The following TANC1 variants were observed in gnomAD, a reference collection of about 807,000 sequenced individuals.
The protein encoded by TANC1 is tetratricopeptide repeat, ankyrin repeat and coiled-coil containing 1, also known as protein TANC1.
Under a neutral mutation model 149.7 loss-of-function variants are expected in TANC1, and 77 were observed. The ratio of observed to expected loss-of-function variants is 0.51; its 90% CI spans 0.43 to 0.62. The LOEUF (loss-of-function observed/expected upper bound fraction) is 0.62, where lower values mean the gene tolerates loss of function less well. Ranked by LOEUF, TANC1 falls within the 20% of genes least tolerant of loss-of-function variation. The pLI, the probability that TANC1 is intolerant of heterozygous loss-of-function variation, is 0.00. For missense variants in TANC1, 1,985 were observed against 2,321.8 expected (o/e 0.85, Z 2.98); for synonymous variants, 854 against 925.0 (o/e 0.92, Z 1.39).
At chr2:159,149,042 A>G (rs1214970327) in intron 5 of TANC1, 100 bp from the exon 6 acceptor site, 1 of 1,388,646 alleles carries the variant, frequency 7.2e-7, no homozygotes, top group East Asian at 2.3e-5. Context: ...ATAGAAACAC[A>G]CAAAATCACC....
intron 4 of TANC1, among the ~76,000 whole-genome samples, chr2:159,124,224 G>A (rs901950836): frequency 6.6e-6 from 1 of 152,124 alleles, no homozygotes; most frequent in Admixed American, 6.5e-5. Flanking sequence ...CGGGTGTGGT[G>A]GTGCCTGTCT....
chr2:159,004,255 A>G, intron 2 of TANC1: 1 of 1,612,102 alleles, frequency 6.2e-7, no homozygotes, highest in Non-Finnish European at 8.5e-7. Flanking sequence ...GACATTGATG[A>G]GGAAGATGAT....
chr2:158,985,811 T>C (rs181722625), intron 1 of TANC1, among the ~76,000 whole-genome samples: 1 of 152,224 alleles, frequency 6.6e-6, no homozygotes, highest in East Asian at 1.9e-4. Flanking sequence ...GCCCAGCTAA[T>C]TTTTGTATTT....
intron 14 of TANC1, among the ~76,000 whole-genome samples, chr2:159,181,558 G>C (rs1413821635): frequency 1.3e-5 from 2 of 152,154 alleles, no homozygotes; most frequent in Non-Finnish European, 2.9e-5. Flanking sequence ...CGGCCTCCCA[G>C]AGTGCTGGGA....
chr2:159,230,111 C>T lies in TANC1; in HGVS notation c.4685C>T (p.Pro1562Leu), dbSNP rs1559503931. ...MKVQISSQNP[P>L]PSPMPGRIAA... ...GTTCAGATCTCTTCTCAGAACCCTC[C>T]TCCAAGTCCCATGCCAGGGAGAATC... Residue 1562 changes from proline (P) to leucine (L), a missense_variant, in exon 27 of 27, where the codon CCT becomes CTT. Transcript: ENST00000263635. This position sits in a 1 kb window ranked among gnomAD's most constrained non-coding sequence, Gnocchi z 4.4. 1.2e-6 allele frequency: 2 copies of T among 1,614,006 alleles called. No homozygotes were observed. Among genetic ancestry groups the T allele is most frequent in the Admixed American group, 1.7e-5 (1 of 60,024 alleles).
Position 159,231,956 on chromosome 2 carries a change from T to C in TANC1, c.*944T>C, listed in dbSNP as rs953116417. ...GTACTTTATAGTCACATGTTGTATA[T>C]ATTAAATAGCCCAGTTTTATTCAGA... is the stretch of plus-strand genomic sequence containing the variant. On this transcript the variant is annotated 3_prime_UTR_variant, in exon 27 of 27. Transcript: ENST00000263635. 3.3e-5 allele frequency: 5 copies of C among 152,586 alleles called. No homozygotes were observed. Among genetic ancestry groups the C allele is most frequent in the East Asian group, 1.9e-4 (1 of 5,198 alleles). 9.5% of individuals were successfully genotyped at this position (152,586 alleles called of 1,614,324 possible). A position where few individuals can be genotyped will look rare whatever the true frequency, so the allele number is the denominator to read the frequency against.
chr2:159,228,701 CAG>C, intron 25 of TANC1, 93 bp from the exon 26 acceptor site: 1 of 821,622 alleles, frequency 1.2e-6, no homozygotes. Flanking sequence ...GGCTGTGCCT[CAG>C]AGCGCTGCTA....
chr2:159,022,006 G>A (rs954017808), intron 2 of TANC1, among the ~76,000 whole-genome samples: 1 of 152,176 alleles, frequency 6.6e-6, no homozygotes, highest in Non-Finnish European at 1.5e-5. Flanking sequence ...TTAATGGAGA[G>A]ATCAATGTCT....
chr2:158,987,314 T>C (rs549017367), intron 1 of TANC1, among the ~76,000 whole-genome samples: 1 of 151,450 alleles, frequency 6.6e-6, no homozygotes, highest in East Asian at 1.9e-4. Flanking sequence ...TCACTTGAGC[T>C]TAGGAGTTCA....
At chr2:158,999,554 T>G (rs1312556535) in intron 1 of TANC1, among the ~76,000 whole-genome samples, 1 of 152,208 alleles carries the variant, frequency 6.6e-6, no homozygotes, top group Non-Finnish European at 1.5e-5. Context: ...AGCTGGATAT[T>G]TTTCATAAAC....
chr2:159,091,211 A>C (rs979790596), intron 3 of TANC1, among the ~76,000 whole-genome samples: 1 of 152,180 alleles, frequency 6.6e-6, no homozygotes, highest in African/African-American at 2.4e-5. Flanking sequence ...GCCTGGGTTC[A>C]GACTCAGCTC....
chr2:159,072,975 CT>C (rs1484491679), intron 3 of TANC1, among the ~76,000 whole-genome samples: 2 of 152,200 alleles, frequency 1.3e-5, no homozygotes, highest in Non-Finnish European at 2.9e-5. Context: ...TTTGTCTGCC[CT>C]GTGGTGGTTT....
At position 158,987,831 on chromosome 2, in the gene TANC1, CT is replaced by C. The variant is rs796838311; in HGVS notation, c.-125-13248del. Among the ~76,000 whole-genome samples the C allele has an allele frequency of 1.2e-3, 180 of 152,298 alleles. 1 individual carries two copies. Among genetic ancestry groups the C allele is most frequent in the African/African-American group, 4.2e-3 (175 of 41,558 alleles). ...TAAAGTCAGAACACCTGGACTTGAG[CT>C]AGTACCACTCTGAATCTTGGGCGGG... On this transcript the variant is annotated intron_variant, in intron 1 of 26. Transcript: ENST00000263635.
chr2:159,141,972 A>C (rs962855500), intron 5 of TANC1, among the ~76,000 whole-genome samples: 3 of 152,238 alleles, frequency 2.0e-5, no homozygotes, highest in African/African-American at 7.2e-5. Flanking sequence ...GGTGTACTAC[A>C]AAAAAGGAAA....
intron 1 of TANC1, among the ~76,000 whole-genome samples, chr2:158,981,051 A>C (rs2034251168): frequency 6.6e-6 from 1 of 152,134 alleles, no homozygotes; most frequent in African/African-American, 2.4e-5. Context: ...CTAGGTCTAA[A>C]AGCAAGATTA....
At position 159,024,864 on chromosome 2, in the gene TANC1, A is replaced by G. The variant is rs373781963; in HGVS notation, c.-16+23675A>G. On this transcript the variant is annotated intron_variant, in intron 2 of 26. Coordinates refer to ENST00000263635, the MANE Select transcript of TANC1 (RefSeq NM_033394.3). ...ACTTCCCATTGTGCTACATTTGCCTACAATATTCAGGACAGTAACATGCTG... is the reference window on the plus strand; with the variant it reads ...ACTTCCCATTGTGCTACATTTGCCTGCAATATTCAGGACAGTAACATGCTG... Among the ~76,000 whole-genome samples, 29 of 152,318 alleles carry G rather than the reference A, an allele frequency of 1.9e-4. 2 individuals carry two copies. The highest frequency in any genetic ancestry group is 1.6e-3 in the Admixed American group (25 of 15,300).
rs2052486361 is a variant in TANC1, at chr2:159,149,145, C to A, written c.368C>A (p.Ala123Glu). 6.3e-7 allele frequency: 1 copy of A among 1,582,538 alleles called. No individual in the cohort carries two copies. The highest frequency in any genetic ancestry group is 1.2e-5 in the South Asian group (1 of 85,698). ...AKPTEPDEHE[A>E]KADNEPSCSP... is the part of the protein sequence containing the mutation. ...TTGTTTTCTTTCTTTGTTCCAGAAG[C>A]AAAGGCCGATAATGAACCGAGCTGT... The change falls in exon 6 of 27, where the codon GCA becomes GAA. Residue 123 changes from alanine to glutamate, a missense_variant. Coordinates refer to ENST00000263635, the MANE Select transcript of TANC1 (RefSeq NM_033394.3).
At position 159,149,215 on chromosome 2, in the gene TANC1, G is replaced by A. The variant is rs2052498264; in HGVS notation, c.438G>A (p.Leu146=). ...TGTTGACAAGGCTGGGATTTTTACT[G>A]GGAGAAGGGATCCCAAGTGCCACAC... ...QELLTRLGFL[L]GEGIPSATHI... is the part of the protein sequence containing the mutation. The change falls in exon 6 of 27, where the codon CTG becomes CTA. Residue 146 remains leucine, a synonymous_variant. Transcript: ENST00000263635. 1 of 1,614,088 alleles carries A rather than the reference G, an allele frequency of 6.2e-7. No homozygotes were observed.
intron 5 of TANC1, among the ~76,000 whole-genome samples, chr2:159,138,931 G>C (rs1157094504): frequency 6.6e-6 from 1 of 152,188 alleles, no homozygotes; most frequent in Non-Finnish European, 1.5e-5. Context: ...TTAAATCAAA[G>C]GAAAACAAAC....
Sources: allele counts gnomAD v4.1 joint callset (sites outside exome capture counted in the v4.1 genomes callset), GRCh38; gene constraint gnomAD v4.1.1; non-coding constraint Gnocchi (gnomAD v3.1); transcripts MANE v1.5; gene names NCBI Gene and HGNC (gene_info 2026-07-23, HGNC 2026-07-21).